The following TBC1D5 variants were observed in gnomAD, a reference collection of about 807,000 sequenced individuals.
The protein encoded by TBC1D5 is TBC1 domain family, member 5.
TBC1D5 carries 75 observed loss-of-function variants against 100.3 expected under a neutral mutation model. The ratio of observed to expected loss-of-function variants is 0.75; its 90% confidence interval spans 0.62 to 0.91. TBC1D5 has a LOEUF of 0.91. TBC1D5 is among the 40% of genes least tolerant of loss of function. The pLI is 0.00. For synonymous variants in TBC1D5, 323 were observed against 325.6 expected, an observed-to-expected ratio of 0.99 and a Z score of 0.09; for missense variants, 910 against 942.4, an observed-to-expected ratio of 0.97 and a Z score of 0.45.
intron 4 of TBC1D5, among the ~76,000 whole-genome samples, chr3:17,419,850 A>T (rs12488687): frequency 0.49 from 74,337 of 151,764 alleles, 19,621 homozygotes; most frequent in African/African-American, 0.66. Context: ...TAATTTTTTT[A>T]AAAATATTTA....
At chr3:17,583,309 T>C (rs1333188568) in intron 2 of TBC1D5, among the ~76,000 whole-genome samples, 1 of 151,916 alleles carries the variant, frequency 6.6e-6, no homozygotes, top group Non-Finnish European at 1.5e-5. Flanking sequence ...AATAAATTAC[T>C]TAAATATGTA....
intron 18 of TBC1D5, among the ~76,000 whole-genome samples, chr3:17,200,392 C>T (rs760620690): frequency 6.6e-6 from 1 of 152,228 alleles, no homozygotes; most frequent in East Asian, 1.9e-4. Flanking sequence ...ACCTGAGTCC[C>T]ACCTCCTGTC....
intron 13 of TBC1D5, among the ~76,000 whole-genome samples, chr3:17,361,446 C>T (rs2091700535): frequency 6.6e-6 from 1 of 151,964 alleles, no homozygotes; most frequent in Non-Finnish European, 1.5e-5. Context: ...ATAGAACATT[C>T]CATTCAACAA....
At chr3:17,258,709 T>A in intron 15 of TBC1D5, 118 bp from the exon 16 acceptor site, 1 of 647,182 alleles carries the variant, frequency 1.5e-6, no homozygotes. Context: ...ATATAAAGTT[T>A]AATAATTAGT....
At chr3:17,352,193 A>C (rs1054938927) in intron 13 of TBC1D5, among the ~76,000 whole-genome samples, 7 of 152,100 alleles carry the variant, frequency 4.6e-5, no homozygotes, top group African/African-American at 1.7e-4. Flanking sequence ...ACATACATCT[A>C]TTTCACGTAG....
chr3:17,605,718 T>C (rs2061295807), intron 2 of TBC1D5, among the ~76,000 whole-genome samples: 1 of 152,168 alleles, frequency 6.6e-6, no homozygotes, highest in Non-Finnish European at 1.5e-5. Context: ...CCAGTAAATA[T>C]TAACACATAT....
intron 1 of TBC1D5, among the ~76,000 whole-genome samples, chr3:17,632,684 C>T (rs2063595521): frequency 6.6e-6 from 1 of 152,178 alleles, no homozygotes; most frequent in African/African-American, 2.4e-5. Flanking sequence ...TGACCCACAA[C>T]CAGCAAAAAG....
At chr3:17,371,068 TACACACAC>T (rs111820681) in intron 13 of TBC1D5, among the ~76,000 whole-genome samples, 202 of 146,494 alleles carry the variant, frequency 1.4e-3, no homozygotes, top group Middle Eastern at 7.1e-3. Flanking sequence ...ACTGAAAAAA[TACACACAC>T]ACACACACAC....
At position 17,591,387 on chromosome 3, in the gene TBC1D5, A is replaced by T. The variant is rs141156715; in HGVS notation, c.-36+32462T>A. On this transcript the variant is annotated intron_variant, in intron 2 of 21. Coordinates refer to ENST00000253692, the Ensembl canonical transcript of TBC1D5. ...CTTTGAGGAAGGACCCCACTATATT[A>T]CCGACAATTTATGCAGTGAATCTTT... Among the ~76,000 whole-genome samples the T allele has an allele frequency of 1.5e-4, 23 of 152,042 alleles. No homozygotes were observed. In the East Asian group the frequency reaches 1.9e-3, roughly 13 times the overall value.
At position 17,568,926 on chromosome 3, in the gene TBC1D5, A is replaced by C. The variant is rs143182716; in HGVS notation, c.-36+54923T>G. ...ATGTTGATGCATTTTAATTTCAAAA[A>C]AGTCACGGATCTGCCCTGCATACCA... On this transcript the variant is annotated intron_variant, in intron 2 of 21. Transcript: ENST00000253692. 1.4e-3 allele frequency among the ~76,000 whole-genome samples: 205 copies of C among 151,812 alleles called. 1 individual carries two copies. Among genetic ancestry groups the C allele is most frequent in the Middle Eastern group, 3.4e-3 (1 of 294 alleles).
intron 12 of TBC1D5, 33 bp downstream of exon 12, chr3:17,374,438 A>G (rs1361243010): frequency 1.3e-6 from 2 of 1,588,016 alleles, no homozygotes; most frequent in Non-Finnish European, 1.7e-6. Flanking sequence ...GCTCCATAGC[A>G]TATACTGAAA....
intron 14 of TBC1D5, among the ~76,000 whole-genome samples, chr3:17,296,906 G>C (rs578249971): frequency 6.6e-6 from 1 of 152,228 alleles, no homozygotes; most frequent in East Asian, 1.9e-4. Context: ...GTAGTTCACT[G>C]TTTGGGCTTG....
At chr3:17,719,964 T>C (rs1438306172) in intron 1 of TBC1D5, among the ~76,000 whole-genome samples, 1 of 152,182 alleles carries the variant, frequency 6.6e-6, no homozygotes, top group Non-Finnish European at 1.5e-5. Flanking sequence ...AGGGATTACC[T>C]CCAAGATCAA....
At position 17,663,426 on chromosome 3, in the gene TBC1D5, C is replaced by T. The variant is rs535318065; in HGVS notation, c.-100-39513G>A. On this transcript the variant is annotated intron_variant, in intron 1 of 21. Transcript: ENST00000253692. ...ATAGTAATTAAATATGAGAAAACTA[C>T]CTGAGTAACAGGTAAATGGTATTAA... 5.3e-5 allele frequency among the ~76,000 whole-genome samples: 8 copies of T among 151,832 alleles called. No homozygotes were observed. In the South Asian group the frequency reaches 1.5e-3, roughly 28 times the overall value.
chr3:17,548,358 A>G (rs2096439187), intron 2 of TBC1D5, among the ~76,000 whole-genome samples: 1 of 152,154 alleles, frequency 6.6e-6, no homozygotes, highest in Admixed American at 6.5e-5. Flanking sequence ...TCAGTAGAAA[A>G]CAAGCATACC....
Position 17,374,464 on chromosome 3 carries a change from G to A in TBC1D5, c.822+7C>T, listed in dbSNP as rs991688310. 45 of 1,609,180 alleles carry A rather than the reference G, an allele frequency of 2.8e-5. No homozygotes were observed. Among genetic ancestry groups the A allele is most frequent in the Non-Finnish European group, 3.3e-5 (39 of 1,177,536 alleles). Reference sequence around the variant, plus strand: ...TATACTGAAAAGATCTGTACTATAAGATTTACCTTCTGACCATCATGCTCA... The same window carrying A: ...TATACTGAAAAGATCTGTACTATAAAATTTACCTTCTGACCATCATGCTCA... On this transcript the variant is annotated splice_region_variant and intron_variant, in intron 12 of 21. Transcript: ENST00000253692.
chr3:17,373,108 A>G (rs562651584), intron 12 of TBC1D5, among the ~76,000 whole-genome samples: 5 of 152,176 alleles, frequency 3.3e-5, no homozygotes, highest in South Asian at 2.1e-4. Context: ...ACAAAATACT[A>G]TTCTTCTTTT....
chr3:17,202,690 T>A (rs1192397334), intron 18 of TBC1D5, among the ~76,000 whole-genome samples: 4 of 152,198 alleles, frequency 2.6e-5, no homozygotes, highest in African/African-American at 9.7e-5. Context: ...TTCTGTTCCA[T>A]CCATGGCTAA....
rs148874835 is a variant in TBC1D5 at position 17,277,799 on chromosome 3, G to C, written c.1245+14096C>G. Among the ~76,000 whole-genome samples the C allele has an allele frequency of 2.4e-3, 360 of 152,284 alleles. 1 individual carries two copies. Among genetic ancestry groups the C allele is most frequent in the African/African-American group, 8.4e-3 (347 of 41,554 alleles). On this transcript the variant is annotated intron_variant, in intron 15 of 21. Transcript: ENST00000253692. ...AAGAAGACAGATAGCTCCAAAGTGG[G>C]AACAGGAGCCAGGGGGCTAGGTCTT...
Sources: gnomAD v4.1 joint callset for allele counts (sites outside exome capture counted in the v4.1 genomes callset) on GRCh38, gnomAD v4.1.1 for gene constraint, MANE v1.5 for transcripts, NCBI Gene and HGNC (gene_info 2026-07-23, HGNC 2026-07-21) for gene names.